Variants in SH3GL2 observed in about 807,000 individuals in gnomAD.
SH3GL2 encodes SH3 domain containing GRB2 like 2, endophilin A1.
Under a neutral mutation model 46.0 loss-of-function variants are expected in SH3GL2, and 24 were observed. The ratio of observed to expected loss-of-function variants is 0.52; its 90% CI spans 0.38 to 0.73. The LOEUF (loss-of-function observed/expected upper bound fraction) is 0.73. Among genes scored for constraint, SH3GL2 ranks in the 30% least tolerant of loss-of-function variants. The probability of loss-of-function intolerance (pLI) is 0.00; values close to 1 mark genes in which losing one functional copy is unlikely to be tolerated. For synonymous variants in SH3GL2, 196 were observed against 147.1 expected, an observed-to-expected ratio of 1.33 and a Z score of -2.40; for missense variants, 413 against 424.2, an observed-to-expected ratio of 0.97 and a Z score of 0.23.
chr9:17,786,503 C>T lies in SH3GL2; in HGVS notation c.310C>T (p.Leu104Phe), dbSNP rs1285129310. The T allele has an allele frequency of 1.2e-6, 2 of 1,613,418 alleles. No individual in the cohort carries two copies. Among genetic ancestry groups the T allele is most frequent in the African/African-American group, 1.3e-5 (1 of 74,978 alleles). The change falls in exon 4 of 9, where the codon CTT (leucine) becomes TTT (phenylalanine). Residue 104 changes from leucine to phenylalanine, a missense_variant. By Grantham distance (22) the Leu-to-Phe change is conservative (BLOSUM62 0). Transcript: ENST00000380607. ...AEAMLKFGRE[L>F]GDDCNFGPAL... Reference sequence around the variant, plus strand: ...GGCCATGCTCAAATTTGGAAGAGAGCTTGGAGATGATTGCAACTTTGGTAA... The same window carrying T: ...GGCCATGCTCAAATTTGGAAGAGAGTTTGGAGATGATTGCAACTTTGGTAA...
chr9:17,593,706 T>A (rs916669504), intron 1 of SH3GL2, among the ~76,000 whole-genome samples: 4 of 152,164 alleles, frequency 2.6e-5, no homozygotes, highest in African/African-American at 9.7e-5. Flanking sequence ...GGTCATTTGT[T>A]TAGAGCAGCA....
At chr9:17,694,542 C>A (rs1288647489) in intron 1 of SH3GL2, among the ~76,000 whole-genome samples, 1 of 152,088 alleles carries the variant, frequency 6.6e-6, no homozygotes, top group Non-Finnish European at 1.5e-5. Context: ...ATTTAGCTTT[C>A]AGAATTCAAT....
At chr9:17,716,689 G>T (rs1449900895) in intron 1 of SH3GL2, among the ~76,000 whole-genome samples, 1 of 152,110 alleles carries the variant, frequency 6.6e-6, no homozygotes, top group Non-Finnish European at 1.5e-5. Context: ...CTCTCTCAGT[G>T]CAGCTCTATT....
chr9:17,684,432 A>G (rs1304441025), intron 1 of SH3GL2, among the ~76,000 whole-genome samples: 1 of 152,118 alleles, frequency 6.6e-6, no homozygotes, highest in East Asian at 1.9e-4. Flanking sequence ...AAAAGACCCA[A>G]AAATGTTAGA....
At chr9:17,652,888 C>T (rs1036832427) in intron 1 of SH3GL2, among the ~76,000 whole-genome samples, 6 of 152,156 alleles carry the variant, frequency 3.9e-5, no homozygotes, top group Admixed American at 1.3e-4. Context: ...TTTTCAGGTA[C>T]ATATACCTCT....
chr9:17,712,792 A>G (rs1372736269), intron 1 of SH3GL2, among the ~76,000 whole-genome samples: 1 of 151,810 alleles, frequency 6.6e-6, no homozygotes, highest in Non-Finnish European at 1.5e-5. Flanking sequence ...ATTTAGAATC[A>G]GTTAATCAAT....
intron 1 of SH3GL2, among the ~76,000 whole-genome samples, chr9:17,664,819 A>C (rs754489457): frequency 1.3e-5 from 2 of 151,702 alleles, no homozygotes; most frequent in Non-Finnish European, 2.9e-5. Context: ...TTCCCCTTTT[A>C]ATTCACTCAA....
intron 1 of SH3GL2, among the ~76,000 whole-genome samples, chr9:17,686,148 C>A (rs1307165942): frequency 6.0e-5 from 8 of 133,242 alleles, no homozygotes; most frequent in Non-Finnish European, 9.3e-5. Context: ...AGACACTTCT[C>A]AAAAGAAGAC....
chr9:17,708,859 C>T (rs993549597), intron 1 of SH3GL2, among the ~76,000 whole-genome samples: 5 of 151,944 alleles, frequency 3.3e-5, no homozygotes, highest in African/African-American at 4.8e-5. Flanking sequence ...TTGTTACCAT[C>T]GATCTTAGAT....
In SH3GL2 at chr9:17,714,778, C is replaced by T. The variant is rs181611353; in HGVS notation, c.46-32288C>T. ...TCAGTTATCTTTTAATAGGTTTTAACAACAAAAAAACTCACATATATAACC... is the reference window on the plus strand; with the variant it reads ...TCAGTTATCTTTTAATAGGTTTTAATAACAAAAAAACTCACATATATAACC... On this transcript the variant is annotated intron_variant, in intron 1 of 8. Transcript: ENST00000380607. Among the ~76,000 whole-genome samples, 535 of 151,774 alleles carry T rather than the reference C, an allele frequency of 3.5e-3. 6 individuals carry two copies. Among genetic ancestry groups the T allele is most frequent in the African/African-American group, 0.011 (437 of 41,508 alleles).
At chr9:17,592,366 C>T (rs1213461459) in intron 1 of SH3GL2, among the ~76,000 whole-genome samples, 1 of 152,166 alleles carries the variant, frequency 6.6e-6, no homozygotes, top group African/African-American at 2.4e-5. Context: ...AATATTTTAC[C>T]AGCTATCTGG....
At chr9:17,637,973 A>G (rs1819580425) in intron 1 of SH3GL2, among the ~76,000 whole-genome samples, 1 of 151,930 alleles carries the variant, frequency 6.6e-6, no homozygotes, top group East Asian at 1.9e-4. Context: ...TGGCTAACAC[A>G]GTGAAACCCC....
chr9:17,760,033 G>A (rs1393267956), intron 2 of SH3GL2, among the ~76,000 whole-genome samples: 1 of 152,054 alleles, frequency 6.6e-6, no homozygotes, highest in Non-Finnish European at 1.5e-5. Context: ...CTAATACTAG[G>A]ACCTTCACAT....
At chr9:17,609,523 C>T (rs1364666639) in intron 1 of SH3GL2, among the ~76,000 whole-genome samples, 1 of 152,098 alleles carries the variant, frequency 6.6e-6, no homozygotes, top group Non-Finnish European at 1.5e-5. Flanking sequence ...CACCTCCCTG[C>T]AGCTGTAGCC....
At position 17,786,411 on chromosome 9, in the gene SH3GL2, C is replaced by G; in HGVS notation, c.218C>G (p.Thr73Ser). 1.9e-6 allele frequency: 3 copies of G among 1,613,320 alleles called. No individual in the cohort carries two copies. Among genetic ancestry groups the G allele is most frequent in the Non-Finnish European group, 2.5e-6 (3 of 1,179,568 alleles). Residue 73 changes from threonine (T) to serine (S), a missense_variant, in exon 4 of 9, where the codon ACC becomes AGC. Thr to Ser is a moderately conservative substitution (Grantham distance 58). Transcript: ENST00000380607. ...ASRAKLSMIN[T>S]MSKIRGQEKG... ...AGAGCTAAGCTCAGCATGATCAACACCATGTCAAAAATCCGTGGCCAGGAG... is the reference window on the plus strand; with the variant it reads ...AGAGCTAAGCTCAGCATGATCAACAGCATGTCAAAAATCCGTGGCCAGGAG...
chr9:17,592,095 A>G (rs1021432264), intron 1 of SH3GL2, among the ~76,000 whole-genome samples: 1 of 152,156 alleles, frequency 6.6e-6, no homozygotes, highest in African/African-American at 2.4e-5. Flanking sequence ...CCGGTGGTGT[A>G]ATACAGTCCA....
chr9:17,791,807 G>T (rs371970656), intron 7 of SH3GL2, among the ~76,000 whole-genome samples: 1 of 152,190 alleles, frequency 6.6e-6, no homozygotes, highest in Non-Finnish European at 1.5e-5. Flanking sequence ...TGTGTGAGAG[G>T]CTGTTTCTTT....
chr9:17,766,982 G>C lies in SH3GL2; in HGVS notation c.187+5473G>C, dbSNP rs367782142. 9.5e-4 allele frequency among the ~76,000 whole-genome samples: 144 copies of C among 152,300 alleles called. 1 individual carries two copies. The South Asian group carries it at 0.029, about 30-fold the overall frequency. On this transcript the variant is annotated intron_variant, in intron 3 of 8. Transcript: ENST00000380607. Reference sequence around the variant, plus strand: ...AAGTCTGTTTCATGACACTTGAATGGAATTGTAGACAGTTGGACTGTGGAC... The same window carrying C: ...AAGTCTGTTTCATGACACTTGAATGCAATTGTAGACAGTTGGACTGTGGAC...
chr9:17,676,506 T>C (rs1298463380), intron 1 of SH3GL2, among the ~76,000 whole-genome samples: 4 of 152,138 alleles, frequency 2.6e-5, no homozygotes, highest in Admixed American at 2.0e-4. Flanking sequence ...CTCTGGAGGC[T>C]GAGGCAGGAG....
Sources: gnomAD v4.1 joint callset for allele counts (sites outside exome capture counted in the v4.1 genomes callset) on GRCh38, gnomAD v4.1.1 for gene constraint, MANE v1.5 for transcripts, NCBI Gene and HGNC (gene_info 2026-07-23, HGNC 2026-07-21) for gene names.